Variants in KALRN observed in about 807,000 individuals in gnomAD.
KALRN encodes the protein kalirin.
Under a neutral mutation model 353.7 loss-of-function variants are expected in KALRN, and 70 were observed. The observed-to-expected ratio is 0.20, with a 90% CI of 0.16 to 0.24. KALRN has a LOEUF of 0.24. Ranked by LOEUF, KALRN falls within the 10% of genes least tolerant of loss-of-function variation. KALRN has a pLI of 1.00. For synonymous variants in KALRN, 1,391 were observed against 1,434.8 expected (o/e 0.97, Z 0.69); for missense variants, 2,791 against 3,756.7 (o/e 0.74, Z 6.72).
intron 1 of KALRN, among the ~76,000 whole-genome samples, chr3:124,086,309 TTGTGTGTGTG>T (rs59443298): frequency 2.7e-4 from 38 of 141,766 alleles, no homozygotes; most frequent in African/African-American, 4.9e-4. Flanking sequence ...GGTTGTTTTG[TTGTGTGTGTG>T]TGTGTGTGTG....
At chr3:124,137,101 G>A (rs2066015342) in intron 1 of KALRN, among the ~76,000 whole-genome samples, 1 of 152,162 alleles carries the variant, frequency 6.6e-6, no homozygotes, top group African/African-American at 2.4e-5. Flanking sequence ...AGAGGACATG[G>A]GGAGTCTGGA....
chr3:124,393,577 G>T (rs1219215592), intron 11 of KALRN, among the ~76,000 whole-genome samples: 1 of 152,144 alleles, frequency 6.6e-6, no homozygotes, highest in African/African-American at 2.4e-5. Flanking sequence ...TGTGAGGGAT[G>T]CTGAATAATA....
intron 1 of KALRN, among the ~76,000 whole-genome samples, chr3:124,177,949 A>C (rs1304830970): frequency 6.6e-6 from 1 of 152,172 alleles, no homozygotes; most frequent in Non-Finnish European, 1.5e-5. Context: ...CAAGTGTTTT[A>C]GAAAGTGTGA....
At chr3:124,581,540 G>T (rs956457) in intron 34 of KALRN, among the ~76,000 whole-genome samples, 77,802 of 151,950 alleles carry the variant, frequency 0.51, 20,186 homozygotes, top group Middle Eastern at 0.6. Flanking sequence ...AGCAGGATGA[G>T]ATGTCATTAG....
At chr3:124,560,041 A>T (rs565216090) in intron 33 of KALRN, among the ~76,000 whole-genome samples, 1 of 152,218 alleles carries the variant, frequency 6.6e-6, no homozygotes, top group African/African-American at 2.4e-5. Flanking sequence ...CTAGTGGCGT[A>T]TCTAGGCTTC....
intron 25 of KALRN, among the ~76,000 whole-genome samples, chr3:124,469,936 C>T (rs2060722841): frequency 6.6e-6 from 1 of 152,194 alleles, no homozygotes. Context: ...GAGAGAATAA[C>T]AGAACCAGTC....
intron 12 of KALRN, among the ~76,000 whole-genome samples, 153 bp from the exon 13 acceptor site, chr3:124,398,544 G>A (rs908452733): frequency 2.6e-5 from 4 of 152,200 alleles, no homozygotes; most frequent in African/African-American, 9.7e-5. Context: ...GAGAGCATCA[G>A]GCTCACAGCA....
Position 124,349,170 on chromosome 3 carries a change from C to T in KALRN, c.1770+1905C>T, listed in dbSNP as rs148174052. 2.1e-3 allele frequency among the ~76,000 whole-genome samples: 313 copies of T among 152,248 alleles called. 5 individuals carry two copies. The highest frequency in any genetic ancestry group is 3.7e-4 in the Non-Finnish European group (25 of 68,014). ...TAAAAAGGGAGGGAATTCTAACATA[C>T]GCTACAACATGGAGGAACCTTGAAG... is the stretch of plus-strand genomic sequence containing the variant. On this transcript the variant is annotated intron_variant, in intron 10 of 59. Coordinates refer to ENST00000682506, the MANE Select transcript of KALRN (RefSeq NM_001388419.1).
At chr3:124,097,130 C>T (rs899323162) in intron 1 of KALRN, among the ~76,000 whole-genome samples, 1 of 152,192 alleles carries the variant, frequency 6.6e-6, no homozygotes, top group Admixed American at 6.5e-5. Context: ...TGTGCATACC[C>T]ACATCCATAT....
chr3:124,099,677 C>CA (rs1257568505), intron 1 of KALRN, among the ~76,000 whole-genome samples: 19 of 152,270 alleles, frequency 1.2e-4, no homozygotes, highest in African/African-American at 4.1e-4. Flanking sequence ...ACATTCCCAC[C>CA]AGCAGTGTAT....
In KALRN at chr3:124,299,180, G is replaced by C. The variant is rs191247976; in HGVS notation, c.1092+267G>C. ...GCATTGGCTCAGCTCAAGTCTAGAA[G>C]GGCGAGTTCCACCAGTTCCACTTCA... On this transcript the variant is annotated intron_variant, in intron 6 of 59. Coordinates refer to ENST00000682506, the MANE Select transcript of KALRN (RefSeq NM_001388419.1). 1.6e-4 allele frequency among the ~76,000 whole-genome samples: 25 copies of C among 152,278 alleles called. No individual in the cohort carries two copies. The East Asian group carries it at 4.6e-3, about 28-fold the overall frequency.
rs573768804 is a variant in KALRN at position 124,666,527 on chromosome 3, C to T, written c.6424C>T (p.Arg2142Trp). 3.8e-5 allele frequency: 62 copies of T among 1,613,980 alleles called. No homozygotes were observed. Among genetic ancestry groups the T allele is most frequent in the Middle Eastern group, 3.3e-4 (2 of 6,058 alleles). ...CGAGCTGGATGCAGGCATGCAGTCC[C>T]GGACCAAAGAGAGGCGCGTGTTCCT... ...VIELDAGMQS[R>W]TKERRVFLFE... Residue 2142 changes from arginine to tryptophan, a missense_variant, in exon 46 of 60, where the codon CGG becomes TGG. Physicochemically the swap from Arg to Trp is moderately radical, Grantham distance 101. Around this residue, in one of 11 missense-constraint regions of KALRN, gnomAD observed 1,065 missense variants for 1,156.4 expected, o/e 0.92. Transcript: ENST00000682506.
intron 11 of KALRN, among the ~76,000 whole-genome samples, chr3:124,392,881 C>T (rs2089638561): frequency 6.6e-6 from 1 of 151,622 alleles, no homozygotes; most frequent in South Asian, 2.1e-4. Flanking sequence ...TGGTGCGCTG[C>T]ACCCACTAAC....
At chr3:124,675,904 G>A (rs1705543481) in intron 49 of KALRN, among the ~76,000 whole-genome samples, 1 of 152,150 alleles carries the variant, frequency 6.6e-6, no homozygotes, top group African/African-American at 2.4e-5. Context: ...CTAGGTCAGG[G>A]GATAGCAGCT....
At chr3:124,106,709 G>T (rs918758121) in intron 1 of KALRN, among the ~76,000 whole-genome samples, 1 of 152,170 alleles carries the variant, frequency 6.6e-6, no homozygotes, top group Non-Finnish European at 1.5e-5. Flanking sequence ...TCAAAGAAAT[G>T]ATTTTACTCC....
chr3:124,247,230 G>C (rs1438900757), intron 3 of KALRN, among the ~76,000 whole-genome samples: 1 of 152,092 alleles, frequency 6.6e-6, no homozygotes, highest in Non-Finnish European at 1.5e-5. Flanking sequence ...GACATAGATG[G>C]GTTTTGTCAG....
intron 13 of KALRN, among the ~76,000 whole-genome samples, chr3:124,400,768 A>T (rs1042963502): frequency 6.6e-6 from 1 of 152,232 alleles, no homozygotes; most frequent in African/African-American, 2.4e-5. Flanking sequence ...TCCTGCAATC[A>T]TTCCTCAGCT....
At chr3:124,321,200 G>A (rs754761433) in intron 6 of KALRN, among the ~76,000 whole-genome samples, 2 of 152,134 alleles carry the variant, frequency 1.3e-5, no homozygotes, top group Non-Finnish European at 2.9e-5. Flanking sequence ...CAGAGTGGGG[G>A]CCTATGACCA....
Position 124,627,860 on chromosome 3 carries a change from G to A in KALRN, c.5183-4560G>A, listed in dbSNP as rs185673070. On this transcript the variant is annotated intron_variant, in intron 34 of 59. Coordinates refer to ENST00000682506, the MANE Select transcript of KALRN (RefSeq NM_001388419.1). Reference sequence around the variant, plus strand: ...ATTACAGCTTTTTCCTTAAAGAGATGCCAACCAAGTTAGTCGAGCTCCTAA... The same window carrying A: ...ATTACAGCTTTTTCCTTAAAGAGATACCAACCAAGTTAGTCGAGCTCCTAA... Among the ~76,000 whole-genome samples the A allele has an allele frequency of 1.7e-4, 26 of 152,316 alleles. No individual in the cohort carries two copies. In the East Asian group the frequency reaches 3.9e-3, roughly 23 times the overall value.
Sources: gnomAD v4.1 joint callset for allele counts (sites outside exome capture counted in the v4.1 genomes callset) on GRCh38, gnomAD v4.1.1 for gene constraint, gnomAD v4.1.1 regional missense constraint, MANE v1.5 for transcripts, NCBI Gene and HGNC (gene_info 2026-07-23, HGNC 2026-07-21) for gene names.